The following FHL5 variants were observed in gnomAD, a reference collection of about 807,000 sequenced individuals.
FHL5 encodes four and a half LIM domains protein 5.
A neutral mutation model predicts 32.0 loss-of-function variants in FHL5; 33 were observed. The observed-to-expected ratio is 1.03, with a 90% CI of 0.78 to 1.38. FHL5 has a LOEUF of 1.38. Among genes scored for constraint, FHL5 ranks in the 40% most tolerant of loss-of-function variants. FHL5 has a pLI of 0.00. For missense variants in FHL5, 336 were observed against 343.9 expected, an observed-to-expected ratio of 0.98 and a Z score of 0.18; for synonymous variants, 114 against 113.6, an observed-to-expected ratio of 1.00 and a Z score of -0.02.
At chr6:96,578,784 G>C (rs923294856) in intron 1 of FHL5, among the ~76,000 whole-genome samples, 11 of 152,154 alleles carry the variant, frequency 7.2e-5, no homozygotes, top group Admixed American at 1.3e-4. Context: ...GGAAGCTGCA[G>C]TGAGCCGAGA....
At chr6:96,563,649 A>G (rs1388990640) in intron 1 of FHL5, among the ~76,000 whole-genome samples, 2 of 152,140 alleles carry the variant, frequency 1.3e-5, no homozygotes, top group Non-Finnish European at 2.9e-5. Context: ...AATGGTCTTA[A>G]TGTGGGGTAT....
intron 1 of FHL5, among the ~76,000 whole-genome samples, chr6:96,566,327 A>T (rs1770356454): frequency 6.6e-6 from 1 of 152,012 alleles, no homozygotes; most frequent in Non-Finnish European, 1.5e-5. Context: ...TGAATGACAG[A>T]AATTTGTTCT....
intron 1 of FHL5, among the ~76,000 whole-genome samples, chr6:96,572,684 A>G (rs957677522): frequency 6.6e-6 from 1 of 152,178 alleles, no homozygotes; most frequent in African/African-American, 2.4e-5. Flanking sequence ...CAGCTTCACC[A>G]TGTGGGCTTG....
Position 96,617,794 on chromosome 6 carries a change from G to GCACATGAT in FHL5, c.*2025_*2032dup, listed in dbSNP as rs1483137650. 6.6e-6 allele frequency among the ~76,000 whole-genome samples: 1 copy of GCACATGAT among 152,164 alleles called. No homozygotes were observed. Among genetic ancestry groups the GCACATGAT allele is most frequent in the Non-Finnish European group, 1.5e-5 (1 of 68,030 alleles). On this transcript the variant is annotated 3_prime_UTR_variant, in exon 6 of 6. Coordinates refer to ENST00000450218, the MANE Select transcript of FHL5 (RefSeq NM_001322466.2). Reference sequence around the variant, plus strand: ...TTTACTGTGTGGGGGCAGTGAGTATGCACATGATCAGACTTGTATTCTAGC... The same window carrying GCACATGAT: ...TTTACTGTGTGGGGGCAGTGAGTATGCACATGATCACATGATCAGACTTGTATTCTAGC...
intron 2 of FHL5, among the ~76,000 whole-genome samples, chr6:96,604,224 C>T (rs992101972): frequency 3.9e-5 from 6 of 151,918 alleles, no homozygotes; most frequent in African/African-American, 1.5e-4. Context: ...ACCTACCACC[C>T]CTTCCTCCGA....
chr6:96,578,861 A>G (rs1240590534), intron 1 of FHL5, among the ~76,000 whole-genome samples: 1 of 152,138 alleles, frequency 6.6e-6, no homozygotes, highest in Non-Finnish European at 1.5e-5. Flanking sequence ...TAAATAAATA[A>G]AAATAAAATA....
At chr6:96,606,902 C>T (rs540628113) in intron 4 of FHL5, among the ~76,000 whole-genome samples, 5 of 152,148 alleles carry the variant, frequency 3.3e-5, no homozygotes, top group South Asian at 2.1e-4. Flanking sequence ...GTAGGGCAAT[C>T]GGCTCAAGAG....
chr6:96,566,880 A>G (rs897275845), intron 1 of FHL5, among the ~76,000 whole-genome samples: 3 of 151,744 alleles, frequency 2.0e-5, no homozygotes, highest in Non-Finnish European at 4.4e-5. Context: ...TTATATTATG[A>G]ATATTAAACT....
At chr6:96,602,216 C>T (rs1012099481) in intron 1 of FHL5, among the ~76,000 whole-genome samples, 2 of 151,992 alleles carry the variant, frequency 1.3e-5, no homozygotes, top group African/African-American at 2.4e-5. Flanking sequence ...GTTGTATTAT[C>T]GTTAATTGCT....
At chr6:96,615,521 A>C in intron 5 of FHL5, 88 bp from the exon 6 acceptor site, 1 of 1,090,654 alleles carries the variant, frequency 9.2e-7, no homozygotes, top group Non-Finnish European at 1.3e-6. Context: ...TCATAGCTCT[A>C]TCTCCAGTTC....
At chr6:96,610,783 C>T in intron 5 of FHL5, 25 bp downstream of exon 5, 1 of 1,528,662 alleles carries the variant, frequency 6.5e-7, no homozygotes, top group Non-Finnish European at 9.0e-7. Context: ...TCAATATGAT[C>T]ATGCCATGAG....
At chr6:96,602,428 T>TC (rs1562062461) in intron 1 of FHL5, among the ~76,000 whole-genome samples, 1 of 45,046 alleles carries the variant, frequency 2.2e-5, no homozygotes, top group African/African-American at 1.2e-4. Flanking sequence ...CGTTGTTTCT[T>TC]TTTTTTTTTT....
At chr6:96,606,361 TA>T (rs1379297718) in intron 4 of FHL5, among the ~76,000 whole-genome samples, 1 of 152,176 alleles carries the variant, frequency 6.6e-6, no homozygotes, top group Admixed American at 6.5e-5. Flanking sequence ...GTTGTTGTTT[TA>T]TTTTTTTGGG....
chr6:96,590,697 C>A (rs1199751543), intron 1 of FHL5, among the ~76,000 whole-genome samples: 1 of 152,028 alleles, frequency 6.6e-6, no homozygotes, highest in Non-Finnish European at 1.5e-5. Flanking sequence ...AAGCTATCAA[C>A]ATTTACCATT....
Position 96,617,689 on chromosome 6 carries a change from ATCT to A in FHL5, c.*1921_*1923del, listed in dbSNP as rs1220636406. 6.6e-6 allele frequency among the ~76,000 whole-genome samples: 1 copy of A among 152,196 alleles called. No homozygotes were observed. The highest frequency in any genetic ancestry group is 6.6e-5 in the Admixed American group (1 of 15,266). Reference sequence around the variant, plus strand: ...TTTAGATAGATATATAACATGTAACATCTTCTCTGTTAACCAATTATAGATACA... The same window carrying A: ...TTTAGATAGATATATAACATGTAACATCTCTGTTAACCAATTATAGATACA... On this transcript the variant is annotated 3_prime_UTR_variant, in exon 6 of 6. Coordinates refer to ENST00000450218, the MANE Select transcript of FHL5 (RefSeq NM_001322466.2).
At chr6:96,606,169 T>A (rs894720507) in intron 4 of FHL5, 98 bp downstream of exon 4, 1 of 992,782 alleles carries the variant, frequency 1.0e-6, no homozygotes. Context: ...ATGTTATATC[T>A]GTAATCAACA....
intron 1 of FHL5, among the ~76,000 whole-genome samples, chr6:96,593,636 C>T (rs563280336): frequency 1.3e-5 from 2 of 152,236 alleles, no homozygotes; most frequent in East Asian, 3.9e-4. Flanking sequence ...GTCCATTGAC[C>T]TCAATCTTTG....
chr6:96,597,081 A>T (rs1401202050), intron 1 of FHL5, among the ~76,000 whole-genome samples: 1 of 151,994 alleles, frequency 6.6e-6, no homozygotes, highest in Non-Finnish European at 1.5e-5. Context: ...TCCACTTCAT[A>T]CTCACCCTTA....
intron 1 of FHL5, among the ~76,000 whole-genome samples, chr6:96,566,326 G>T (rs1741009389): frequency 6.6e-6 from 1 of 151,984 alleles, no homozygotes. Context: ...GTGAATGACA[G>T]AAATTTGTTC....
Sources: allele counts gnomAD v4.1 joint callset (sites outside exome capture counted in the v4.1 genomes callset), GRCh38; gene constraint gnomAD v4.1.1; transcripts MANE v1.5; gene names NCBI Gene and HGNC (gene_info 2026-07-23, HGNC 2026-07-21).